CNTN3: variants seen among roughly 807,000 people sequenced by gnomAD.
CNTN3 encodes the protein contactin-3.
CNTN3 carries 60 observed loss-of-function variants against 119.1 expected under a neutral mutation model. That is an observed-to-expected ratio of 0.50 (90% confidence interval 0.41 to 0.62). CNTN3 has a LOEUF of 0.62. Among genes scored for constraint, CNTN3 ranks in the 20% least tolerant of loss-of-function variants. CNTN3 has a pLI of 0.00. For missense variants in CNTN3, 1,101 were observed against 1,242.4 expected, an observed-to-expected ratio of 0.89 and a Z score of 1.71; for synonymous variants, 450 against 438.7, an observed-to-expected ratio of 1.03 and a Z score of -0.32.
rs571646838 is a variant in CNTN3, at chr3:74,580,875, C to T, written c.-81+33516G>A. Among the ~76,000 whole-genome samples, 73 of 152,298 alleles carry T rather than the reference C, an allele frequency of 4.8e-4. No individual in the cohort carries two copies. The South Asian group carries it at 0.01, about 21-fold the overall frequency. On this transcript the variant is annotated intron_variant, in intron 1 of 22. Transcript: ENST00000263665. ...CTGGGACTACTGACGTGCACCATCA[C>T]AATCAACTAATTTTTAAATTTTTTG...
chr3:74,383,189 C>T (rs1436916729), intron 5 of CNTN3, among the ~76,000 whole-genome samples: 2 of 152,114 alleles, frequency 1.3e-5, no homozygotes, highest in Non-Finnish European at 2.9e-5. Flanking sequence ...GGAAATGATG[C>T]TGTTTATGTC....
At position 74,342,475 on chromosome 3, in the gene CNTN3, G is replaced by A. The variant is rs190643840; in HGVS notation, c.1365-5817C>T. ...CAGCAGTTAATTAACCTAACTTTGA[G>A]TAAGTACCAGGCTAATAACAAGCAG... On this transcript the variant is annotated intron_variant, in intron 11 of 22. Coordinates refer to ENST00000263665, the MANE Select transcript of CNTN3 (RefSeq NM_020872.3). Among the ~76,000 whole-genome samples the A allele has an allele frequency of 1.5e-3, 225 of 152,248 alleles. 1 individual carries two copies. Among genetic ancestry groups the A allele is most frequent in the Non-Finnish European group, 2.9e-3 (198 of 68,008 alleles).
chr3:74,424,889 C>G lies in CNTN3; in HGVS notation c.410G>C (p.Gly137Ala). ...GCCGCAGAGCAGCACAACTCCCTGG[C>G]CTTCACGCACAGACACTGTACTCCT... Reference protein sequence around the residue: ...KMRSTVSVREGQGVVLLCGPP... With the variant: ...KMRSTVSVREAQGVVLLCGPP... Residue 137 changes from glycine (G) to alanine (A), a missense_variant, in exon 5 of 23, where the codon GGC (glycine) becomes GCC (alanine). Gly to Ala is a moderately conservative substitution (Grantham distance 60). Coordinates refer to ENST00000263665, the MANE Select transcript of CNTN3 (RefSeq NM_020872.3). 6.2e-7 allele frequency: 1 copy of G among 1,613,638 alleles called. No individual in the cohort carries two copies. Among genetic ancestry groups the G allele is most frequent in the Non-Finnish European group, 8.5e-7 (1 of 1,179,788 alleles).
At chr3:74,605,319 GATATA>G (rs1378318088) in intron 1 of CNTN3, among the ~76,000 whole-genome samples, 3 of 151,934 alleles carry the variant, frequency 2.0e-5, no homozygotes, top group South Asian at 2.1e-4. Context: ...ATAAGCATGT[GATATA>G]ATATGTTATT....
At chr3:74,579,207 C>T (rs934554726) in intron 1 of CNTN3, among the ~76,000 whole-genome samples, 17 of 151,882 alleles carry the variant, frequency 1.1e-4, no homozygotes, top group African/African-American at 3.4e-4. Flanking sequence ...GAGGAGATAA[C>T]GATTTTGAAT....
intron 13 of CNTN3, among the ~76,000 whole-genome samples, chr3:74,303,495 C>A (rs986232335): frequency 2.6e-5 from 4 of 152,242 alleles, no homozygotes; most frequent in Non-Finnish European, 5.9e-5. Context: ...GAGTTTGAGA[C>A]CAGCCCGGCC....
chr3:74,538,291 G>T (rs1009198109), intron 1 of CNTN3, among the ~76,000 whole-genome samples: 2 of 152,106 alleles, frequency 1.3e-5, no homozygotes, highest in Non-Finnish European at 2.9e-5. Context: ...GAAACACTTT[G>T]TTGGGTGCAA....
chr3:74,551,429 C>T (rs1261387052), intron 1 of CNTN3, among the ~76,000 whole-genome samples: 1 of 152,108 alleles, frequency 6.6e-6, no homozygotes, highest in African/African-American at 2.4e-5. Context: ...ATCAATATCC[C>T]CAACCAGGGT....
At chr3:74,421,525 T>C (rs950521985) in intron 5 of CNTN3, among the ~76,000 whole-genome samples, 6 of 152,122 alleles carry the variant, frequency 3.9e-5, no homozygotes, top group Non-Finnish European at 7.4e-5. Context: ...TAGGCTGATA[T>C]AAGAGGAAAT....
intron 13 of CNTN3, among the ~76,000 whole-genome samples, chr3:74,320,575 G>A (rs1417571327): frequency 2.0e-5 from 3 of 152,120 alleles, no homozygotes; most frequent in Non-Finnish European, 2.9e-5. Flanking sequence ...GCTAAATGAC[G>A]AGTTAATGGG....
chr3:74,467,529 A>G (rs1365202761), intron 4 of CNTN3, among the ~76,000 whole-genome samples: 1 of 152,176 alleles, frequency 6.6e-6, no homozygotes, highest in Non-Finnish European at 1.5e-5. Context: ...CACACAGAAG[A>G]AGAAATTACA....
At chr3:74,326,002 T>G (rs781025940) in intron 13 of CNTN3, among the ~76,000 whole-genome samples, 1 of 152,186 alleles carries the variant, frequency 6.6e-6, no homozygotes, top group Non-Finnish European at 1.5e-5. Flanking sequence ...CTCAGAATTG[T>G]TTAAACTGAG....
chr3:74,349,005 G>A (rs186257745), intron 11 of CNTN3, among the ~76,000 whole-genome samples: 3 of 151,934 alleles, frequency 2.0e-5, no homozygotes, highest in East Asian at 3.9e-4. Context: ...AGACACATGT[G>A]AGCCTAGGAA....
rs372578050 is a variant in CNTN3 at position 74,598,192 on chromosome 3, AGAT to A, written c.-81+16196_-81+16198del. 8.5e-4 allele frequency among the ~76,000 whole-genome samples: 130 copies of A among 152,186 alleles called. 1 individual carries two copies. Among genetic ancestry groups the A allele is most frequent in the African/African-American group, 3.0e-3 (126 of 41,556 alleles). ...TGCCAGTCCCAGACTTAGACTTAAGAGATTTTCCAGCTTCCACCTTCCCTCTCT... is the reference window on the plus strand; with the variant it reads ...TGCCAGTCCCAGACTTAGACTTAAGATTTCCAGCTTCCACCTTCCCTCTCT... On this transcript the variant is annotated intron_variant, in intron 1 of 22. Transcript: ENST00000263665.
intron 16 of CNTN3, 44 bp from the exon 17 acceptor site, chr3:74,299,982 A>G: frequency 2.4e-6 from 3 of 1,228,190 alleles, no homozygotes; most frequent in Non-Finnish European, 3.4e-6. Flanking sequence ...ACTTGCATTT[A>G]GTAATATTTA....
rs1702379608 is a variant in CNTN3, at chr3:74,298,133, G to C, written c.2225C>G (p.Pro742Arg). 6.2e-6 allele frequency: 10 copies of C among 1,612,498 alleles called. No homozygotes were observed. The highest frequency in any genetic ancestry group is 2.2e-5 in the South Asian group (2 of 90,886). ...CTGGATCCAGGTGGTAACCCCAAGA[G>C]GGCGGAAAGCAACAACATACCCAAA... The part of the protein sequence containing the change: ...EGFGYVVAFR[P>R]LGVTTWIQTV... Residue 742 changes from proline (P) to arginine (R), a missense_variant, in exon 18 of 23, where the codon CCT (proline) becomes CGT (arginine). Pro to Arg is a moderately radical substitution (Grantham distance 103, BLOSUM62 -2). Coordinates refer to ENST00000263665, the MANE Select transcript of CNTN3 (RefSeq NM_020872.3).
chr3:74,408,964 T>G (rs1167962616), intron 5 of CNTN3, among the ~76,000 whole-genome samples: 3 of 152,250 alleles, frequency 2.0e-5, no homozygotes, highest in South Asian at 2.1e-4. Flanking sequence ...TTATTTCAAG[T>G]GTAAAGGTTC....
chr3:74,320,770 C>T (rs1002569894), intron 13 of CNTN3, among the ~76,000 whole-genome samples: 1 of 152,136 alleles, frequency 6.6e-6, no homozygotes, highest in Non-Finnish European at 1.5e-5. Flanking sequence ...CCACTCCCTC[C>T]AGTGCACAAC....
chr3:74,559,501 A>G (rs917054633), intron 1 of CNTN3, among the ~76,000 whole-genome samples: 18 of 152,094 alleles, frequency 1.2e-4, no homozygotes, highest in Non-Finnish European at 2.4e-4. Context: ...TACACAGCCT[A>G]CCTCTACCAG....
Sources: gnomAD v4.1 joint callset for allele counts (sites outside exome capture counted in the v4.1 genomes callset) on GRCh38, gnomAD v4.1.1 for gene constraint, MANE v1.5 for transcripts, NCBI Gene and HGNC (gene_info 2026-07-23, HGNC 2026-07-21) for gene names.